The following VPS13A variants were observed in gnomAD, a reference collection of about 807,000 sequenced individuals.
VPS13A encodes the protein intermembrane lipid transfer protein VPS13A.
In VPS13A, 264 loss-of-function variants were observed where a neutral mutation model predicts 390.9. The observed-to-expected ratio is 0.68, with a 90% CI of 0.61 to 0.75. VPS13A has a LOEUF of 0.75. Ranked by LOEUF, VPS13A falls within the 30% of genes least tolerant of loss-of-function variation. The pLI is 0.00. For synonymous variants in VPS13A, 1,231 were observed against 1,227.1 expected (o/e 1.00, Z -0.07); for missense variants, 3,409 against 3,733.9 (o/e 0.91, Z 2.27).
rs1455071538 is a variant in VPS13A at position 77,418,350 on chromosome 9, A to G, written c.*2344A>G. ...TCCAGCACAGCATGTCTTCTGGTCT[A>G]TGATAATTGTGTGAGGACTAAGGCA... On this transcript the variant is annotated 3_prime_UTR_variant, in exon 72 of 72. Coordinates refer to ENST00000360280, the MANE Select transcript of VPS13A (RefSeq NM_033305.3). 2 of 152,188 alleles carry G rather than the reference A, an allele frequency of 1.3e-5. No individual in the cohort carries two copies. Among genetic ancestry groups the G allele is most frequent in the South Asian group, 4.1e-4 (2 of 4,832 alleles). The allele number at this position is 152,188 out of a possible 1,614,324, so 9.4% of individuals were successfully genotyped here. A position where few individuals can be genotyped will look rare whatever the true frequency, so the allele number is the denominator to read the frequency against.
intron 67 of VPS13A, among the ~76,000 whole-genome samples, chr9:77,376,056 T>C (rs1833051422): frequency 6.6e-6 from 1 of 152,162 alleles, no homozygotes; most frequent in Non-Finnish European, 1.5e-5. Context: ...TCAGGGATGC[T>C]TAACTCATAA....
At chr9:77,282,909 T>A (rs1474718421) in intron 29 of VPS13A, among the ~76,000 whole-genome samples, 2 of 151,984 alleles carry the variant, frequency 1.3e-5, no homozygotes, top group Admixed American at 1.3e-4. Context: ...TGAGCTACAA[T>A]TGCACCACTG....
intron 68 of VPS13A, among the ~76,000 whole-genome samples, chr9:77,391,077 A>C (rs1030981994): frequency 1.3e-5 from 2 of 152,012 alleles, no homozygotes; most frequent in African/African-American, 4.8e-5. Context: ...TACAGCTAAA[A>C]GTGCAGTAAG....
intron 13 of VPS13A, among the ~76,000 whole-genome samples, chr9:77,221,961 A>G (rs1366615805): frequency 1.3e-5 from 2 of 152,072 alleles, no homozygotes; most frequent in Non-Finnish European, 2.9e-5. Flanking sequence ...GTAGTTTTAC[A>G]TTTAATTATC....
Position 77,252,294 on chromosome 9 carries a change from A to G in VPS13A, c.2230A>G (p.Met744Val), listed in dbSNP as rs926374278. Reference sequence around the variant, plus strand: ...ATCTACCCAGCATATTTTGGTACCCATGCACTTCAATTTGGAACTGTCTAA... The same window carrying G: ...ATCTACCCAGCATATTTTGGTACCCGTGCACTTCAATTTGGAACTGTCTAA... ...SVSTQHILVPMHFNLELSKAM... is the reference protein window; with the variant it reads ...SVSTQHILVPVHFNLELSKAM... Residue 744 changes from methionine to valine, a missense_variant, in exon 22 of 72, where the codon ATG becomes GTG. By Grantham distance (21) the Met-to-Val change is conservative. This residue lies in a region of VPS13A where 2,717 missense variants were observed against 2,917.4 expected (regional missense o/e 0.93). Transcript: ENST00000360280. The G allele has an allele frequency of 2.5e-6, 4 of 1,613,942 alleles. No individual in the cohort carries two copies. Among genetic ancestry groups the G allele is most frequent in the Non-Finnish European group, 3.4e-6 (4 of 1,179,954 alleles).
intron 17 of VPS13A, among the ~76,000 whole-genome samples, chr9:77,229,265 A>G (rs945585936): frequency 6.6e-6 from 1 of 151,928 alleles, no homozygotes; most frequent in South Asian, 2.1e-4. Context: ...ATTTTTGTAG[A>G]GATGGGGTTT....
chr9:77,321,873 C>T, intron 44 of VPS13A, 127 bp downstream of exon 44: 1 of 1,118,610 alleles, frequency 8.9e-7, no homozygotes, highest in East Asian at 2.5e-5. Flanking sequence ...TTTAAAATAT[C>T]CTTTCTAATA....
At chr9:77,243,075 T>C (rs1824601919) in intron 19 of VPS13A, among the ~76,000 whole-genome samples, 1 of 152,120 alleles carries the variant, frequency 6.6e-6, no homozygotes, top group Admixed American at 6.5e-5. Flanking sequence ...GACTCATATA[T>C]ATTATAATGA....
intron 68 of VPS13A, among the ~76,000 whole-genome samples, chr9:77,400,651 C>T (rs558785496): frequency 9.3e-5 from 14 of 151,080 alleles, no homozygotes; most frequent in Middle Eastern, 6.8e-3. Flanking sequence ...GGTGAAACCC[C>T]GTCTCTACTA....
intron 1 of VPS13A, among the ~76,000 whole-genome samples, chr9:77,184,048 T>A (rs1458384735): frequency 6.6e-6 from 1 of 152,240 alleles, no homozygotes; most frequent in Non-Finnish European, 1.5e-5. Flanking sequence ...TAGAGTGCAA[T>A]ATTTGCTTAG....
At chr9:77,352,915 C>T (rs1831550446) in intron 53 of VPS13A, among the ~76,000 whole-genome samples, 4 of 152,018 alleles carry the variant, frequency 2.6e-5, no homozygotes, top group Admixed American at 2.6e-4. Context: ...ACCCTGATAT[C>T]AGCACATTTA....
intron 3 of VPS13A, among the ~76,000 whole-genome samples, chr9:77,203,229 A>C (rs1161405936): frequency 6.6e-6 from 1 of 152,034 alleles, no homozygotes; most frequent in Non-Finnish European, 1.5e-5. Context: ...TATTTTTTTG[A>C]AATTTGCCAA....
intron 10 of VPS13A, among the ~76,000 whole-genome samples, chr9:77,218,754 A>G (rs1310915638): frequency 3.3e-5 from 5 of 151,976 alleles, no homozygotes; most frequent in African/African-American, 1.2e-4. Flanking sequence ...AACAACTCTA[A>G]AAGTGTATGA....
At chr9:77,208,897 AG>A (rs1418666188) in intron 5 of VPS13A, among the ~76,000 whole-genome samples, 1 of 152,174 alleles carries the variant, frequency 6.6e-6, no homozygotes, top group Non-Finnish European at 1.5e-5. Flanking sequence ...AACTTGAGAT[AG>A]TTAATGCTGT....
At chr9:77,188,580 G>A (rs888564722) in intron 1 of VPS13A, among the ~76,000 whole-genome samples, 2 of 152,120 alleles carry the variant, frequency 1.3e-5, no homozygotes, top group Admixed American at 6.5e-5. Context: ...ATGCACATAC[G>A]CATGCATGTG....
chr9:77,292,205 G>T (rs1430031105), intron 31 of VPS13A, among the ~76,000 whole-genome samples: 2 of 152,066 alleles, frequency 1.3e-5, no homozygotes, highest in Non-Finnish European at 2.9e-5. Context: ...TTTCTCAAGA[G>T]CTCCTCACGT....
At chr9:77,309,436 G>A (rs1314888355) in intron 35 of VPS13A, among the ~76,000 whole-genome samples, 11 of 152,024 alleles carry the variant, frequency 7.2e-5, no homozygotes, top group East Asian at 1.9e-4. Context: ...TTATCTGCAG[G>A]GAATATGTTC....
At chr9:77,200,116 G>A in intron 2 of VPS13A, 128 bp downstream of exon 2, 7 of 858,646 alleles carry the variant, frequency 8.2e-6, no homozygotes, top group Non-Finnish European at 1.3e-5. Context: ...TTTGCAAAAT[G>A]TAAATTTTGC....
chr9:77,209,592 T>A (rs1057013343), intron 6 of VPS13A, 60 bp downstream of exon 6: 1 of 1,057,068 alleles, frequency 9.5e-7, no homozygotes, highest in African/African-American at 1.6e-5. Flanking sequence ...TTTTACTATT[T>A]AATGACACCT....
Sources: gnomAD v4.1 joint callset for allele counts (sites outside exome capture counted in the v4.1 genomes callset) on GRCh38, gnomAD v4.1.1 for gene constraint, gnomAD v4.1.1 regional missense constraint, MANE v1.5 for transcripts, NCBI Gene and HGNC (gene_info 2026-07-23, HGNC 2026-07-21) for gene names.